PLEKHG4B: variants seen among roughly 807,000 people sequenced by gnomAD.
PLEKHG4B encodes pleckstrin homology and RhoGEF domain containing G4B, also known as pleckstrin homology domain-containing family G member 4B.
PLEKHG4B carries 111 observed loss-of-function variants against 121.3 expected under a neutral mutation model. The observed-to-expected ratio is 0.92, with a 90% CI of 0.78 to 1.07. PLEKHG4B has a LOEUF of 1.07. Among genes scored for constraint, PLEKHG4B ranks in the 50% least tolerant of loss-of-function variants. The pLI, the probability that PLEKHG4B is intolerant of heterozygous loss-of-function variation, is 0.00. For synonymous variants in PLEKHG4B, 738 were observed against 725.0 expected (o/e 1.02, Z -0.29); for missense variants, 1,831 against 1,757.8 (o/e 1.04, Z -0.74).
intron 2 of PLEKHG4B, among the ~76,000 whole-genome samples, chr5:116,951 G>A (rs1275354644): frequency 6.6e-6 from 1 of 152,196 alleles, no homozygotes; most frequent in Admixed American, 6.5e-5. Flanking sequence ...GGTGCCTGCT[G>A]GAGCCCCACT....
At chr5:115,570 T>G (rs944688366) in intron 2 of PLEKHG4B, among the ~76,000 whole-genome samples, 2 of 152,210 alleles carry the variant, frequency 1.3e-5, no homozygotes, top group Non-Finnish European at 2.9e-5. Flanking sequence ...TAGAAGGCTG[T>G]TTTGTCTACG....
chr5:165,187 T>C (rs2126444863), intron 13 of PLEKHG4B, among the ~76,000 whole-genome samples: 1 of 50,966 alleles, frequency 2.0e-5, no homozygotes, highest in East Asian at 3.9e-4. Flanking sequence ...CTCACAGTAC[T>C]CCTCTGACGG....
chr5:116,954 G>C (rs1734323870), intron 2 of PLEKHG4B, among the ~76,000 whole-genome samples: 1 of 152,160 alleles, frequency 6.6e-6, no homozygotes, highest in South Asian at 2.1e-4. Flanking sequence ...GCCTGCTGGA[G>C]CCCCACTGCT....
At chr5:95,263 C>G (rs1470976319) in intron 1 of PLEKHG4B, among the ~76,000 whole-genome samples, 1 of 152,156 alleles carries the variant, frequency 6.6e-6, no homozygotes, top group Non-Finnish European at 1.5e-5. Context: ...GGAGTCGTTA[C>G]GTCAGCCAGG....
chr5:121,620 C>T (rs1015476283), intron 2 of PLEKHG4B, among the ~76,000 whole-genome samples: 4 of 152,038 alleles, frequency 2.6e-5, no homozygotes, highest in African/African-American at 9.7e-5. Flanking sequence ...AGGAAGGAGG[C>T]AAACTGCATG....
At chr5:129,038 A>G (rs1323373589) in intron 2 of PLEKHG4B, among the ~76,000 whole-genome samples, 1 of 152,218 alleles carries the variant, frequency 6.6e-6, no homozygotes, top group Non-Finnish European at 1.5e-5. Flanking sequence ...GCGTCACATG[A>G]CAACAGGCCC....
rs372592506 is a variant in PLEKHG4B, at chr5:163,589, G to C, written c.3476+41G>C. On this transcript the variant is annotated intron_variant, in intron 13 of 19. Coordinates refer to ENST00000637938, the MANE Select transcript of PLEKHG4B (RefSeq NM_052909.5). ...CCCTCCTCTCGTCCTAGCAGTCCTT[G>C]GGGATCTAGAAACCCAAAGCCATTT... is the stretch of plus-strand genomic sequence containing the variant. 139 of 1,461,512 alleles carry C rather than the reference G, an allele frequency of 9.5e-5. No homozygotes were observed. In the African/African-American group the frequency reaches 1.7e-3, roughly 18 times the overall value. 90.5% of individuals were successfully genotyped at this position (1,461,512 alleles called of 1,614,324 possible). A position where few individuals can be genotyped will look rare whatever the true frequency, so the allele number is the denominator to read the frequency against.
rs1170121862 is a variant in PLEKHG4B, at chr5:173,178, G to A, written c.4221+111G>A. The A allele has an allele frequency of 5.6e-6, 6 of 1,075,058 alleles. No homozygotes were observed. In the African/African-American group the frequency reaches 9.5e-5, roughly 17 times the overall value. The allele number at this position is 1,075,058 out of a possible 1,614,324, so 66.6% of individuals were successfully genotyped here. A position where few individuals can be genotyped will look rare whatever the true frequency, so the allele number is the denominator to read the frequency against. On this transcript the variant is annotated intron_variant, in intron 17 of 19. Coordinates refer to ENST00000637938, the MANE Select transcript of PLEKHG4B (RefSeq NM_052909.5). ...GAGGAACTGGGAGGGAGTGAAGCGG[G>A]GAGGAGCCGCACTGCGATGTTTGTT...
intron 18 of PLEKHG4B, among the ~76,000 whole-genome samples, chr5:178,380 A>G (rs1736828392): frequency 2.0e-5 from 3 of 152,210 alleles, no homozygotes; most frequent in African/African-American, 7.2e-5. Flanking sequence ...AGCTTCGATT[A>G]TTTGAAATGT....
rs1735820040 is a variant in PLEKHG4B, at chr5:157,296, C to T, written c.2487+385C>T. 6.6e-6 allele frequency among the ~76,000 whole-genome samples: 1 copy of T among 151,878 alleles called. No homozygotes were observed. The highest frequency in any genetic ancestry group is 1.5e-5 in the Non-Finnish European group (1 of 67,980). ...CGACACAGGTAGAGAGAGTCTGGGC[C>T]AAGGTTGAGGACGGCAGCCTGGGAA... is the stretch of plus-strand genomic sequence containing the variant. On this transcript the variant is annotated intron_variant, in intron 11 of 19. Transcript: ENST00000637938. The surrounding 1 kb of genome is among the most constrained non-coding windows in gnomAD (Gnocchi z 4.6).
At chr5:152,997 T>C (rs1735654677) in intron 7 of PLEKHG4B, among the ~76,000 whole-genome samples, 2 of 152,236 alleles carry the variant, frequency 1.3e-5, no homozygotes, top group Non-Finnish European at 1.5e-5. Context: ...TGTGAGTCAA[T>C]TAAACCTCTT....
intron 2 of PLEKHG4B, among the ~76,000 whole-genome samples, chr5:135,956 T>C (rs1397674214): frequency 1.3e-5 from 2 of 151,760 alleles, no homozygotes; most frequent in African/African-American, 2.4e-5. Context: ...AGTGTGACAC[T>C]GGCATAAAAA....
In PLEKHG4B at chr5:169,411, T is replaced by C; in HGVS notation, c.3548T>C (p.Val1183Ala). The change falls in exon 14 of 20, where the codon GTC (valine) becomes GCC (alanine). Residue 1183 changes from valine to alanine, a missense_variant. Physicochemically the swap from Val to Ala is moderately conservative, Grantham distance 64. Coordinates refer to ENST00000637938, the MANE Select transcript of PLEKHG4B (RefSeq NM_052909.5). ...GAGTACATTCGGTGCTTAGGATACGTCATTGACAACTATTTTCCAGAAATG... is the reference window on the plus strand; with the variant it reads ...GAGTACATTCGGTGCTTAGGATACGCCATTGACAACTATTTTCCAGAAATG... Reference protein sequence around the residue: ...EREYIRCLGYVIDNYFPEMER... With the variant: ...EREYIRCLGYAIDNYFPEMER... The C allele has an allele frequency of 3.7e-6, 6 of 1,614,032 alleles. No homozygotes were observed. The highest frequency in any genetic ancestry group is 5.1e-6 in the Non-Finnish European group (6 of 1,180,012).
At chr5:135,389 G>A (rs910548466) in intron 2 of PLEKHG4B, among the ~76,000 whole-genome samples, 10 of 150,904 alleles carry the variant, frequency 6.6e-5, no homozygotes, top group Admixed American at 1.3e-4. Context: ...AAAATGGGCC[G>A]GGTGTGGTGG....
At chr5:170,256 A>T (rs1175617473) in intron 14 of PLEKHG4B, among the ~76,000 whole-genome samples, 1 of 152,212 alleles carries the variant, frequency 6.6e-6, no homozygotes, top group Non-Finnish European at 1.5e-5. Context: ...TATCACAACG[A>T]AAACAGCCGT....
chr5:162,680 CCCT>C, intron 12 of PLEKHG4B, 39 bp from the exon 13 acceptor site: 1 of 1,309,472 alleles, frequency 7.6e-7, no homozygotes. Context: ...CCAGGGCAGC[CCCT>C]CCTCCACTGC....
intron 13 of PLEKHG4B, among the ~76,000 whole-genome samples, chr5:168,692 A>G (rs1037171983): frequency 6.6e-6 from 1 of 152,138 alleles, no homozygotes; most frequent in African/African-American, 2.4e-5. Flanking sequence ...TGAAAAGGCC[A>G]TGATCAATAA....
At chr5:99,810 C>A (rs903609190) in intron 1 of PLEKHG4B, among the ~76,000 whole-genome samples, 11 of 152,058 alleles carry the variant, frequency 7.2e-5, no homozygotes, top group Non-Finnish European at 1.6e-4. Context: ...TGTTCTTAAT[C>A]TTGGGGAAAA....
chr5:119,458 T>A (rs1047649345), intron 2 of PLEKHG4B, among the ~76,000 whole-genome samples: 1 of 152,150 alleles, frequency 6.6e-6, no homozygotes, highest in Non-Finnish European at 1.5e-5. Context: ...AAATAAAGGA[T>A]GACAAAACCA....
Sources: gnomAD v4.1 joint callset for allele counts (sites outside exome capture counted in the v4.1 genomes callset) on GRCh38, gnomAD v4.1.1 for gene constraint, Gnocchi (gnomAD v3.1) non-coding constraint, MANE v1.5 for transcripts, NCBI Gene and HGNC (gene_info 2026-07-23, HGNC 2026-07-21) for gene names.